The following CHD6 variants were observed in gnomAD, a reference collection of about 807,000 sequenced individuals.
The protein encoded by CHD6 is chromodomain helicase DNA binding protein 6, also known as ATP-dependent chromatin remodeler CHD6.
In CHD6, 50 loss-of-function variants were observed where a neutral mutation model predicts 276.9. That is an observed-to-expected ratio of 0.18 (90% confidence interval 0.14 to 0.23). CHD6 has a LOEUF of 0.23. CHD6 is among the 10% of genes least tolerant of loss of function. The pLI, the probability that CHD6 is intolerant of heterozygous loss-of-function variation, is 1.00. For missense variants in CHD6, 2,564 were observed against 3,365.8 expected, an observed-to-expected ratio of 0.76 and a Z score of 5.89; for synonymous variants, 1,173 against 1,229.3, an observed-to-expected ratio of 0.95 and a Z score of 0.96.
At chr20:41,559,178 A>AC (rs1568701886) in intron 1 of CHD6, among the ~76,000 whole-genome samples, 27 of 150,636 alleles carry the variant, frequency 1.8e-4, no homozygotes, top group African/African-American at 6.4e-4. Flanking sequence ...ACACACACAC[A>AC]AAGTAAACTT....
At chr20:41,410,066 C>T in intron 36 of CHD6, among the ~76,000 whole-genome samples, 1 of 152,182 alleles carries the variant, frequency 6.6e-6, no homozygotes. Flanking sequence ...GCACGTGTGG[C>T]AGAAGGGCCA....
chr20:41,483,175 A>C, intron 16 of CHD6, 134 bp downstream of exon 16: 1 of 755,272 alleles, frequency 1.3e-6, no homozygotes, highest in Non-Finnish European at 2.1e-6. Flanking sequence ...ATTTCAGTCT[A>C]TCTTTAAAAG....
intron 1 of CHD6, among the ~76,000 whole-genome samples, chr20:41,582,071 G>A (rs1236784198): frequency 1.3e-5 from 2 of 152,192 alleles, no homozygotes; most frequent in Non-Finnish European, 2.9e-5. Flanking sequence ...AAAACTGTTG[G>A]TGGGAGGGGC....
At chr20:41,435,981 TTTTTTTAA>T (rs939416873) in intron 27 of CHD6, among the ~76,000 whole-genome samples, 3 of 152,096 alleles carry the variant, frequency 2.0e-5, no homozygotes, top group African/African-American at 7.2e-5. Flanking sequence ...GATTTTTAAT[TTTTTTTAA>T]TTTTTTAATT....
intron 18 of CHD6, among the ~76,000 whole-genome samples, chr20:41,456,379 TTAAA>T (rs1247128319): frequency 6.6e-6 from 1 of 151,958 alleles, no homozygotes; most frequent in Non-Finnish European, 1.5e-5. Flanking sequence ...TTATTCATTA[TTAAA>T]TAAATATGTA....
chr20:41,431,862 C>G (rs1363637691), intron 27 of CHD6, among the ~76,000 whole-genome samples: 4 of 144,172 alleles, frequency 2.8e-5, no homozygotes, highest in Non-Finnish European at 6.0e-5. Flanking sequence ...ACAAAAAAGG[C>G]CCTCAAAAAA....
chr20:41,521,793 AAAGT>A (rs1256736933), intron 3 of CHD6, among the ~76,000 whole-genome samples: 45 of 152,336 alleles, frequency 3.0e-4, no homozygotes, highest in African/African-American at 1.0e-3. Context: ...GCTATGTCAG[AAAGT>A]AAGAGGGTGT....
At chr20:41,450,437 CAA>C (rs2145655031) in intron 23 of CHD6, among the ~76,000 whole-genome samples, 2 of 152,018 alleles carry the variant, frequency 1.3e-5, no homozygotes, top group East Asian at 3.9e-4. Flanking sequence ...TAAATATGAA[CAA>C]AGTTTTGTTT....
Position 41,423,516 on chromosome 20 carries a change from G to A in CHD6, c.4531C>T (p.Arg1511Cys), listed in dbSNP as rs527584762. 5 of 1,614,112 alleles carry A rather than the reference G, an allele frequency of 3.1e-6. No homozygotes were observed. Among genetic ancestry groups the A allele is most frequent in the African/African-American group, 1.3e-5 (1 of 75,044 alleles). The change falls in exon 30 of 37, where the codon CGT becomes TGT. Residue 1511 changes from arginine to cysteine, a missense_variant. By Grantham distance (180) the Arg-to-Cys change is radical. This residue lies in a region of CHD6 where 515 missense variants were observed against 739.5 expected (regional missense o/e 0.70). Transcript: ENST00000373233. ...SFVAMCRNVC[R>C]LPTWKDGGPP... is the part of the protein sequence containing the mutation. ...CCGCCATCTTTCCATGTGGGTAGAC[G>A]ACAGACATTCCGGCACATGGCCACA...
At chr20:41,482,414 C>A in intron 16 of CHD6, 2 of 333,376 alleles carry the variant, frequency 6.0e-6, no homozygotes, top group South Asian at 2.4e-5. Flanking sequence ...GTCAGCATAC[C>A]CATAGTTTAA....
intron 1 of CHD6, among the ~76,000 whole-genome samples, chr20:41,607,767 A>AG (rs2045845058): frequency 1.9e-5 from 1 of 51,318 alleles, no homozygotes; most frequent in African/African-American, 2.3e-4. Context: ...ATTCCACAGG[A>AG]AAAAAAAAAA....
chr20:41,464,770 C>T (rs1374456447), intron 17 of CHD6, among the ~76,000 whole-genome samples: 1 of 151,932 alleles, frequency 6.6e-6, no homozygotes, highest in Admixed American at 6.6e-5. Context: ...ATGCTGTTCT[C>T]AAGTAAAAGA....
Position 41,452,969 on chromosome 20 carries a change from G to C in CHD6, c.3121-27C>G. 1 of 1,566,742 alleles carries C rather than the reference G, an allele frequency of 6.4e-7. No individual in the cohort carries two copies. Among genetic ancestry groups the C allele is most frequent in the Non-Finnish European group, 8.8e-7 (1 of 1,137,228 alleles). Reference sequence around the variant, plus strand: ...TAGAAATGGAGAGGACTACTGGGAAGAAAGTCCTCTTTTCTCTACTCCTTT... The same window carrying C: ...TAGAAATGGAGAGGACTACTGGGAACAAAGTCCTCTTTTCTCTACTCCTTT... On this transcript the variant is annotated intron_variant, in intron 20 of 36. Transcript: ENST00000373233. The surrounding 1 kb of genome is among the most constrained non-coding windows in gnomAD (Gnocchi z 4.2).
intron 4 of CHD6, among the ~76,000 whole-genome samples, chr20:41,513,859 TA>T (rs1455634183): frequency 6.6e-6 from 1 of 152,208 alleles, no homozygotes; most frequent in Non-Finnish European, 1.5e-5. Flanking sequence ...ACTTCTTCAC[TA>T]AGTTACCTCT....
At chr20:41,410,564 T>C (rs2046812564) in intron 36 of CHD6, among the ~76,000 whole-genome samples, 1 of 152,146 alleles carries the variant, frequency 6.6e-6, no homozygotes, top group African/African-American at 2.4e-5. Context: ...GGTGCCCCTG[T>C]TCGGAAGGCT....
intron 27 of CHD6, among the ~76,000 whole-genome samples, chr20:41,426,575 T>C (rs1257792951): frequency 6.6e-6 from 1 of 152,228 alleles, no homozygotes; most frequent in Admixed American, 6.5e-5. Flanking sequence ...TGTGAAAAAG[T>C]GTCATGCTCA....
rs376344507 is a variant in CHD6 at position 41,451,904 on chromosome 20, C to T, written c.3445G>A (p.Glu1149Lys). The change falls in exon 22 of 37, where the codon GAG becomes AAG. Residue 1149 changes from glutamate (E) to lysine (K), a missense_variant. Physicochemically the swap from Glu to Lys is moderately conservative, Grantham distance 56. This residue lies in a region of CHD6 where 515 missense variants were observed against 739.5 expected (regional missense o/e 0.70). Transcript: ENST00000373233. ...TCCCAAATGAAACTCTTGATCTTCT[C>T]GTCCCCCTTATAATGCTTGACACAG... ...VYCVKHYKGD[E>K]KIKSFIWELI... 10 of 1,614,016 alleles carry T rather than the reference C, an allele frequency of 6.2e-6. No homozygotes were observed. Among genetic ancestry groups the T allele is most frequent in the Non-Finnish European group, 2.5e-6 (3 of 1,180,020 alleles).
intron 1 of CHD6, among the ~76,000 whole-genome samples, chr20:41,560,273 G>C (rs558128984): frequency 6.6e-6 from 1 of 152,088 alleles, no homozygotes; most frequent in African/African-American, 2.4e-5. Context: ...CTGCATAAGC[G>C]ATCTGGCCTC....
chr20:41,440,595 C>T lies in CHD6; in HGVS notation c.3878-466G>A, dbSNP rs116680401. Among the ~76,000 whole-genome samples, 519 of 152,280 alleles carry T rather than the reference C, an allele frequency of 3.4e-3. 2 individuals are homozygous for T. The highest frequency in any genetic ancestry group is 0.012 in the African/African-American group (478 of 41,550). ...TGATTGTTTATTGCATTAAGACAGA[C>T]CTGTGGCCTCTGTATCACAAACTCA... is the stretch of plus-strand genomic sequence containing the variant. On this transcript the variant is annotated intron_variant, in intron 25 of 36. Transcript: ENST00000373233.
Sources: gnomAD v4.1 joint callset for allele counts (sites outside exome capture counted in the v4.1 genomes callset) on GRCh38, gnomAD v4.1.1 for gene constraint, gnomAD v4.1.1 regional missense constraint, Gnocchi (gnomAD v3.1) non-coding constraint, MANE v1.5 for transcripts, NCBI Gene and HGNC (gene_info 2026-07-23, HGNC 2026-07-21) for gene names.